PRR4: variants seen among roughly 807,000 people sequenced by gnomAD.
PRR4 encodes proline-rich protein 4.
A neutral mutation model predicts 7.6 loss-of-function variants in PRR4; 7 were observed. The ratio of observed to expected loss-of-function variants is 0.92; its 90% confidence interval spans 0.52 to 1.73. The LOEUF (loss-of-function observed/expected upper bound fraction) is 1.73. Ranked by LOEUF, PRR4 falls within the 40% of genes most tolerant of loss-of-function variation. The pLI, the probability that PRR4 is intolerant of heterozygous loss-of-function variation, is 0.00. For missense variants in PRR4, 187 were observed against 161.0 expected (o/e 1.16, Z -0.87); for synonymous variants, 64 against 58.5 (o/e 1.09, Z -0.43).
chr12:10,848,495 C>T, intron 1 of PRR4, 88 bp from the exon 2 acceptor site: 1 of 1,278,174 alleles, frequency 7.8e-7, no homozygotes, highest in African/African-American at 1.5e-5. Flanking sequence ...GGTCTTCTGG[C>T]CACACCCTGT....
chr12:10,848,248 T>C (rs1426257173), intron 2 of PRR4, 124 bp downstream of exon 2: 1 of 879,780 alleles, frequency 1.1e-6, no homozygotes, highest in African/African-American at 1.7e-5. Flanking sequence ...TATTAATCAA[T>C]GCCTGACCCC....
chr12:10,849,312 A>G, intron 1 of PRR4, 62 bp downstream of exon 1: 1 of 1,072,542 alleles, frequency 9.3e-7, no homozygotes, highest in South Asian at 1.5e-5. Context: ...CTGAGGCCCT[A>G]GAAGAGTCAT....
Position 10,847,038 on chromosome 12 carries a change from A to G in PRR4, c.*18+7T>C, listed in dbSNP as rs775248403. On this transcript the variant is annotated splice_region_variant and intron_variant, in intron 3 of 3. Transcript: ENST00000228811. Reference sequence around the variant, plus strand: ...GGCATTTAATGGAGAATGAACTGGAATCATACCTGCCACTGAATTCTAGAT... The same window carrying G: ...GGCATTTAATGGAGAATGAACTGGAGTCATACCTGCCACTGAATTCTAGAT... 7 of 1,541,464 alleles carry G rather than the reference A, an allele frequency of 4.5e-6. No individual in the cohort carries two copies. The highest frequency in any genetic ancestry group is 2.5e-5 in the South Asian group (2 of 79,444).
Position 10,847,214 on chromosome 12 carries a change from G to A in PRR4, c.254C>T (p.Pro85Leu), listed in dbSNP as rs2232959. The A allele has an allele frequency of 7.4e-6, 12 of 1,613,500 alleles. No homozygotes were observed. In the South Asian group the frequency reaches 9.9e-5, roughly 13 times the overall value. The change falls in exon 3 of 4, where the codon CCA (proline) becomes CTA (leucine). Residue 85 changes from proline to leucine, a missense_variant. Physicochemically the swap from Pro to Leu is moderately conservative, Grantham distance 98. Transcript: ENST00000228811. ...TCGTTGCTGATTTTGAAAAGGAGGT[G>A]GGGGAGGATGGCGGTGATGGCCTCC... ...KPGGHHRHPP[P>L]PPFQNQQRPP...
chr12:10,849,353 T>G, intron 1 of PRR4, 21 bp downstream of exon 1: 1 of 1,550,776 alleles, frequency 6.4e-7, no homozygotes, highest in Non-Finnish European at 8.7e-7. Context: ...ATCTCCTTTT[T>G]TAAAAAAATA....
Position 10,846,991 on chromosome 12 carries a change from G to C in PRR4, c.*18+54C>G, listed in dbSNP as rs915533182. ...CCAATTGATTTGTGAACACGATAAA[G>C]TTTGGGAATGGTAGCAGTTTGGGCA... On this transcript the variant is annotated intron_variant, in intron 3 of 3. Coordinates refer to ENST00000228811, the MANE Select transcript of PRR4 (RefSeq NM_007244.3). 2.8e-6 allele frequency: 4 copies of C among 1,406,900 alleles called. No individual in the cohort carries two copies. The African/African-American group carries it at 5.7e-5, about 20-fold the overall frequency. 87.2% of individuals were successfully genotyped at this position (1,406,900 alleles called of 1,614,324 possible).
At position 10,847,947 on chromosome 12, in the gene PRR4, A is replaced by G. The variant is rs189090291; in HGVS notation, c.100+425T>C. 2.6e-5 allele frequency among the ~76,000 whole-genome samples: 4 copies of G among 152,348 alleles called. No homozygotes were observed. In the East Asian group the frequency reaches 7.7e-4, roughly 29 times the overall value. On this transcript the variant is annotated intron_variant, in intron 2 of 3. Coordinates refer to ENST00000228811, the MANE Select transcript of PRR4 (RefSeq NM_007244.3). ...CAGCTGAGTGGGTCAACACAGAGAA[A>G]AGACATTCATGCAGTGATTTTTTTG... is the stretch of plus-strand genomic sequence containing the variant.
rs766023614 is a variant in PRR4, at chr12:10,847,229, T to G, written c.239A>C (p.His80Pro). 6.2e-7 allele frequency: 1 copy of G among 1,613,794 alleles called. No homozygotes were observed. The highest frequency in any genetic ancestry group is 1.1e-5 in the South Asian group (1 of 91,008). Reference protein sequence around the residue: ...QQRPPKPGGHHRHPPPPPFQN... With the variant: ...QQRPPKPGGHPRHPPPPPFQN... ...AAAAGGAGGTGGGGGAGGATGGCGG[T>G]GATGGCCTCCTGGTTTTGGTGGTCT... Residue 80 changes from histidine to proline, a missense_variant, in exon 3 of 4, where the codon CAC becomes CCC. Coordinates refer to ENST00000228811, the MANE Select transcript of PRR4 (RefSeq NM_007244.3).
rs371170074 is a variant in PRR4 at position 10,847,209 on chromosome 12, G to C, written c.259C>G (p.Pro87Ala). The C allele has an allele frequency of 5.3e-5, 85 of 1,613,776 alleles. No individual in the cohort carries two copies. The African/African-American group carries it at 6.7e-4, about 13-fold the overall frequency. ...GGTGGTCGTTGCTGATTTTGAAAAGGAGGTGGGGGAGGATGGCGGTGATGG... is the reference window on the plus strand; with the variant it reads ...GGTGGTCGTTGCTGATTTTGAAAAGCAGGTGGGGGAGGATGGCGGTGATGG... Reference protein sequence around the residue: ...GGHHRHPPPPPFQNQQRPPRR... With the variant: ...GGHHRHPPPPAFQNQQRPPRR... Residue 87 changes from proline to alanine, a missense_variant, in exon 3 of 4, where the codon CCT becomes GCT. By Grantham distance (27) the Pro-to-Ala change is conservative. Transcript: ENST00000228811.
chr12:10,848,231 G>A (rs1441172839), intron 2 of PRR4, 141 bp downstream of exon 2: 4 of 709,436 alleles, frequency 5.6e-6, no homozygotes, highest in African/African-American at 1.8e-5. Context: ...ATATTTAGGG[G>A]CACTAATATT....
chr12:10,847,405 A>G (rs1157560843), intron 2 of PRR4, 38 bp from the exon 3 acceptor site: 11 of 1,424,440 alleles, frequency 7.7e-6, no homozygotes, highest in Non-Finnish European at 1.0e-5. Flanking sequence ...GCATGAGCTC[A>G]GTGAAGAAAA....
chr12:10,848,931 G>A (rs945755768), intron 1 of PRR4: 1 of 156,256 alleles, frequency 6.4e-6, no homozygotes, highest in Non-Finnish European at 1.4e-5. Context: ...ATGTCTGACA[G>A]TACTCTGATG....
intron 1 of PRR4, 177 bp from the exon 2 acceptor site, chr12:10,848,584 G>T: frequency 1.9e-6 from 1 of 525,978 alleles, no homozygotes; most frequent in Non-Finnish European, 3.3e-6. Context: ...AGGCAGGATT[G>T]TTACTATCGC....
At chr12:10,847,433 C>T in intron 2 of PRR4, 66 bp from the exon 3 acceptor site, 2 of 1,239,074 alleles carry the variant, frequency 1.6e-6, no homozygotes, top group Middle Eastern at 2.0e-4. Flanking sequence ...TCTCTTTATA[C>T]TTCTCTCACC....
At chr12:10,847,841 G>A (rs1015233655) in intron 2 of PRR4, among the ~76,000 whole-genome samples, 1 of 152,156 alleles carries the variant, frequency 6.6e-6, no homozygotes, top group Non-Finnish European at 1.5e-5. Context: ...GAAATACTAA[G>A]AGACAGAAGA....
In PRR4 at chr12:10,847,228, G is replaced by A. The variant is rs760118157; in HGVS notation, c.240C>T (p.His80=). The A allele has an allele frequency of 1.1e-5, 17 of 1,613,874 alleles. No individual in the cohort carries two copies. Among genetic ancestry groups the A allele is most frequent in the Middle Eastern group, 1.7e-4 (1 of 6,056 alleles). Residue 80 remains histidine (H), a synonymous_variant, in exon 3 of 4, where the codon CAC becomes CAT. Coordinates refer to ENST00000228811, the MANE Select transcript of PRR4 (RefSeq NM_007244.3). ...QQRPPKPGGH[H]RHPPPPPFQN... ...GAAAAGGAGGTGGGGGAGGATGGCG[G>A]TGATGGCCTCCTGGTTTTGGTGGTC...
chr12:10,848,003 T>C (rs530632679), intron 2 of PRR4, among the ~76,000 whole-genome samples: 1 of 152,286 alleles, frequency 6.6e-6, no homozygotes, highest in South Asian at 2.1e-4. Flanking sequence ...TGAAGCCACA[T>C]AACCGTGCGG....
At chr12:10,847,818 G>A (rs1312371349) in intron 2 of PRR4, among the ~76,000 whole-genome samples, 3 of 152,082 alleles carry the variant, frequency 2.0e-5, no homozygotes, top group Admixed American at 6.6e-5. Context: ...CCAGGCTCCT[G>A]GAACCAAGTA....
rs537589764 is a variant in PRR4, at chr12:10,848,301, G to A, written c.100+71C>T. On this transcript the variant is annotated intron_variant, in intron 2 of 3. Coordinates refer to ENST00000228811, the MANE Select transcript of PRR4 (RefSeq NM_007244.3). ...AAAAAAATGATGAGAAGAAGACACT[G>A]AAGGAAACTAAAAAGAAATTCTAGT... 5.9e-4 allele frequency: 874 copies of A among 1,480,260 alleles called. 5 individuals are homozygous for A. Among genetic ancestry groups the A allele is most frequent in the Middle Eastern group, 3.4e-3 (18 of 5,368 alleles). 91.7% of individuals were successfully genotyped at this position (1,480,260 alleles called of 1,614,324 possible).
Sources: allele counts gnomAD v4.1 joint callset (sites outside exome capture counted in the v4.1 genomes callset), GRCh38; gene constraint gnomAD v4.1.1; transcripts MANE v1.5; gene names NCBI Gene and HGNC (gene_info 2026-07-23, HGNC 2026-07-21).